Variants in EVC2 observed in about 807,000 individuals in gnomAD.
EVC2 encodes limbin.
EVC2 carries 148 observed loss-of-function variants against 149.3 expected under a neutral mutation model. The observed-to-expected ratio is 0.99, with a 90% CI of 0.87 to 1.14. The LOEUF is 1.14. EVC2 is among the 50% of genes most tolerant of loss of function. EVC2 has a pLI of 0.00. For missense variants in EVC2, 1,854 were observed against 1,627.3 expected, an observed-to-expected ratio of 1.14 and a Z score of -2.40; for synonymous variants, 776 against 649.9, an observed-to-expected ratio of 1.19 and a Z score of -2.95.
chr4:5,629,572 A>C (rs1009505060), intron 11 of EVC2, among the ~76,000 whole-genome samples: 5 of 152,254 alleles, frequency 3.3e-5, no homozygotes, highest in African/African-American at 1.2e-4. Flanking sequence ...TACAATGGAT[A>C]ACCAAAAGTG....
At position 5,631,869 on chromosome 4, in the gene EVC2, A is replaced by C; in HGVS notation, c.1634T>G (p.Ile545Arg). 1 of 1,614,226 alleles carries C rather than the reference A, an allele frequency of 6.2e-7. No individual in the cohort carries two copies. Residue 545 changes from isoleucine to arginine, a missense_variant, in exon 11 of 22, where the codon ATA (isoleucine) becomes AGA (arginine). Physicochemically the swap from Ile to Arg is moderately conservative, Grantham distance 97. Transcript: ENST00000344408. ...TTCCCCTTTGAAAATAGCACTTTTT[A>C]TCTGGGTAAAAAAGATACTGTGCAG... ...NELHSIFFTQ[I>R]KSAIFKGELK...
At chr4:5,544,828 C>A (rs1388514224) in intron 21 of EVC2, among the ~76,000 whole-genome samples, 1 of 152,138 alleles carries the variant, frequency 6.6e-6, no homozygotes, top group Non-Finnish European at 1.5e-5. Context: ...TCAACCTGTT[C>A]CTCCCAAGGA....
At chr4:5,546,194 C>T (rs1721614265) in intron 21 of EVC2, among the ~76,000 whole-genome samples, 1 of 152,128 alleles carries the variant, frequency 6.6e-6, no homozygotes, top group African/African-American at 2.4e-5. Flanking sequence ...TACCATTTGA[C>T]CCAGCCATCC....
chr4:5,545,144 T>C (rs1480341075), intron 21 of EVC2, among the ~76,000 whole-genome samples: 1 of 152,222 alleles, frequency 6.6e-6, no homozygotes, highest in African/African-American at 2.4e-5. Context: ...CTGTATGGGA[T>C]CTGTGTCCCC....
intron 7 of EVC2, among the ~76,000 whole-genome samples, chr4:5,666,264 T>C (rs1194756353): frequency 3.3e-5 from 5 of 151,836 alleles, no homozygotes; most frequent in Non-Finnish European, 5.9e-5. Flanking sequence ...CAATCCTGAT[T>C]ATTGTTTATA....
At chr4:5,694,584 G>A (rs749048640) in intron 2 of EVC2, 83 bp from the exon 3 acceptor site, 5 of 1,520,412 alleles carry the variant, frequency 3.3e-6, no homozygotes, top group Non-Finnish European at 4.6e-6. Context: ...CAGACTACAG[G>A]GTACATGGAA....
Position 5,625,349 on chromosome 4 carries a change from A to AC in EVC2, c.2046+399_2046+400insG, listed in dbSNP as rs1560174872. ...ACACACACACACACACACACACACAAACCCAGTGGTATCTCCCTCATAGGG... is the reference window on the plus strand; with the variant it reads ...ACACACACACACACACACACACACAACACCCAGTGGTATCTCCCTCATAGGG... On this transcript the variant is annotated intron_variant, in intron 13 of 21. Coordinates refer to ENST00000344408, the MANE Select transcript of EVC2 (RefSeq NM_147127.5). This position sits in a 1 kb window ranked among gnomAD's most constrained non-coding sequence, Gnocchi z 4.0. 2.6e-3 allele frequency among the ~76,000 whole-genome samples: 343 copies of AC among 133,876 alleles called. 2 individuals are homozygous for AC. The highest frequency in any genetic ancestry group is 8.2e-3 in the African/African-American group (290 of 35,354). 87.8% of individuals were successfully genotyped at this position (133,876 alleles called of 152,430 possible). A position where few individuals can be genotyped will look rare whatever the true frequency, so the allele number is the denominator to read the frequency against.
chr4:5,551,434 G>T (rs560816066), intron 21 of EVC2, among the ~76,000 whole-genome samples: 6 of 152,342 alleles, frequency 3.9e-5, no homozygotes, highest in African/African-American at 1.2e-4. Flanking sequence ...GGGGCCTGTA[G>T]CCCCTCTCTT....
At chr4:5,705,779 G>A (rs958453471) in intron 1 of EVC2, among the ~76,000 whole-genome samples, 1 of 152,040 alleles carries the variant, frequency 6.6e-6, no homozygotes, top group Non-Finnish European at 1.5e-5. Context: ...TAATACCTCA[G>A]TATTACTGTG....
rs1426730316 is a variant in EVC2 at position 5,587,173 on chromosome 4, T to C, written c.2830-2323A>G. On this transcript the variant is annotated intron_variant, in intron 16 of 21. Transcript: ENST00000344408. ...CTAAAGTCAACAATTAAGTGACATT[T>C]AGGATTCAGTAGCCCCCACCTCTAT... is the stretch of plus-strand genomic sequence containing the variant. Among the ~76,000 whole-genome samples the C allele has an allele frequency of 2.0e-5, 3 of 152,342 alleles. No individual in the cohort carries two copies. In the East Asian group the frequency reaches 5.8e-4, roughly 29 times the overall value.
intron 21 of EVC2, among the ~76,000 whole-genome samples, chr4:5,549,021 G>C (rs571973049): frequency 7.2e-6 from 1 of 138,710 alleles, no homozygotes; most frequent in East Asian, 2.5e-4. Flanking sequence ...TGAATAGACA[G>C]TGATTGAAGG....
intron 16 of EVC2, among the ~76,000 whole-genome samples, chr4:5,611,423 A>C (rs937568702): frequency 6.6e-6 from 1 of 152,210 alleles, no homozygotes; most frequent in South Asian, 2.1e-4. Context: ...ATATTAGTAC[A>C]GTGTACTAAG....
At position 5,562,535 on chromosome 4, in the gene EVC2, C is replaced by A; in HGVS notation, c.*313G>T. Reference sequence around the variant, plus strand: ...AGAGTAGAGAATCTGGCTGTCACCACACAGACCATAGCTTCTGCAGCAGAG... The same window carrying A: ...AGAGTAGAGAATCTGGCTGTCACCAAACAGACCATAGCTTCTGCAGCAGAG... On this transcript the variant is annotated 3_prime_UTR_variant, in exon 22 of 22. Coordinates refer to ENST00000344408, the MANE Select transcript of EVC2 (RefSeq NM_147127.5). This position sits in a 1 kb window ranked among gnomAD's most constrained non-coding sequence, Gnocchi z 4.3. The A allele has an allele frequency of 7.9e-7, 1 of 1,264,800 alleles. No homozygotes were observed. The highest frequency in any genetic ancestry group is 1.0e-6 in the Non-Finnish European group (1 of 999,214). 78.3% of individuals were successfully genotyped at this position (1,264,800 alleles called of 1,614,324 possible).
intron 9 of EVC2, among the ~76,000 whole-genome samples, chr4:5,643,406 T>C (rs1349466975): frequency 6.6e-6 from 1 of 152,224 alleles, no homozygotes; most frequent in Non-Finnish European, 1.5e-5. Flanking sequence ...CACAACGTGC[T>C]GTTCTTTGTC....
intron 10 of EVC2, among the ~76,000 whole-genome samples, chr4:5,635,431 A>G (rs1716831252): frequency 6.6e-6 from 1 of 152,154 alleles, no homozygotes; most frequent in Non-Finnish European, 1.5e-5. Context: ...CATGCATCCT[A>G]TGGCTTCCAA....
intron 19 of EVC2, among the ~76,000 whole-genome samples, chr4:5,570,221 G>C (rs1156527969): frequency 6.6e-6 from 1 of 152,226 alleles, no homozygotes; most frequent in Non-Finnish European, 1.5e-5. Context: ...GGAACAGAGA[G>C]GGTGACCAAC....
rs1241757438 is a variant in EVC2 at position 5,696,232 on chromosome 4, C to T, written c.283+1361G>A. ...CTTAAGGCCACACCTTACCCTTAAG[C>T]GCTCCATCTCTGGTCCACCCGTTTA... is the stretch of plus-strand genomic sequence containing the variant. On this transcript the variant is annotated intron_variant, in intron 2 of 21. Coordinates refer to ENST00000344408, the MANE Select transcript of EVC2 (RefSeq NM_147127.5). The surrounding 1 kb of genome is among the most constrained non-coding windows in gnomAD (Gnocchi z 4.1). Among the ~76,000 whole-genome samples, 2 of 152,204 alleles carry T rather than the reference C, an allele frequency of 1.3e-5. No homozygotes were observed. The highest frequency in any genetic ancestry group is 2.4e-5 in the African/African-American group (1 of 41,458).
intron 19 of EVC2, 87 bp from the exon 20 acceptor site, chr4:5,568,727 C>A: frequency 1.1e-5 from 15 of 1,363,170 alleles, no homozygotes; most frequent in Non-Finnish European, 1.5e-5. Flanking sequence ...TGAGGACATT[C>A]TGTCCTGGAG....
intron 9 of EVC2, among the ~76,000 whole-genome samples, chr4:5,655,019 G>A (rs1293648137): frequency 6.6e-6 from 1 of 152,176 alleles, no homozygotes; most frequent in Non-Finnish European, 1.5e-5. Flanking sequence ...AGCGCTGAAG[G>A]AGAGCACAGT....
Sources: allele counts gnomAD v4.1 joint callset (sites outside exome capture counted in the v4.1 genomes callset), GRCh38; gene constraint gnomAD v4.1.1; non-coding constraint Gnocchi (gnomAD v3.1); transcripts MANE v1.5; gene names NCBI Gene and HGNC (gene_info 2026-07-23, HGNC 2026-07-21).